The following TGFBRAP1 variants were observed in gnomAD, a reference collection of about 807,000 sequenced individuals.
The protein encoded by TGFBRAP1 is transforming growth factor beta receptor associated protein 1.
TGFBRAP1 carries 20 observed loss-of-function variants against 83.2 expected under a neutral mutation model. The ratio of observed to expected loss-of-function variants is 0.24; its 90% confidence interval spans 0.17 to 0.35. The LOEUF (loss-of-function observed/expected upper bound fraction) is 0.35. TGFBRAP1 is among the 10% of genes least tolerant of loss of function. The pLI is 1.00. For missense variants in TGFBRAP1, 950 were observed against 1,099.4 expected, an observed-to-expected ratio of 0.86 and a Z score of 1.92; for synonymous variants, 415 against 459.8, an observed-to-expected ratio of 0.90 and a Z score of 1.25.
At chr2:105,327,597 GACA>G (rs1679259777) in intron 1 of TGFBRAP1, among the ~76,000 whole-genome samples, 1 of 151,992 alleles carries the variant, frequency 6.6e-6, no homozygotes, top group Non-Finnish European at 1.5e-5. Flanking sequence ...CCACCCAGAA[GACA>G]ACAACAAAAA....
chr2:105,302,719 T>C, intron 2 of TGFBRAP1, among the ~76,000 whole-genome samples: 1 of 152,230 alleles, frequency 6.6e-6, no homozygotes, highest in East Asian at 1.9e-4. Flanking sequence ...TGACGATATC[T>C]TGCTGTATCC....
At chr2:105,267,870 G>T (rs866368164) in intron 11 of TGFBRAP1, 6 of 985,288 alleles carry the variant, frequency 6.1e-6, no homozygotes, top group Non-Finnish European at 3.6e-6. Context: ...TTCAAGCAAG[G>T]CCTGTTAGAA....
At chr2:105,268,281 T>C (rs1002286626) in intron 11 of TGFBRAP1, among the ~76,000 whole-genome samples, 48 of 152,176 alleles carry the variant, frequency 3.2e-4, no homozygotes, top group African/African-American at 1.2e-3. Context: ...GGCTTAGCCC[T>C]ACAGACACTG....
chr2:105,298,455 G>T (rs890851281), intron 3 of TGFBRAP1, 56 bp downstream of exon 3: 2 of 1,502,186 alleles, frequency 1.3e-6, no homozygotes, highest in Non-Finnish European at 1.8e-6. Flanking sequence ...ATTTACCGAA[G>T]AAATATCATA....
At chr2:105,275,167 A>G (rs540791134) in intron 8 of TGFBRAP1, among the ~76,000 whole-genome samples, 8 of 152,164 alleles carry the variant, frequency 5.3e-5, no homozygotes, top group Non-Finnish European at 1.0e-4. Context: ...TCCTCCTCCC[A>G]AAGATCAAGT....
chr2:105,271,303 CATT>C (rs1482311645), intron 10 of TGFBRAP1, among the ~76,000 whole-genome samples: 1 of 152,248 alleles, frequency 6.6e-6, no homozygotes, highest in Admixed American at 6.5e-5. Context: ...GGAATGCAAA[CATT>C]GAACCACACA....
At chr2:105,272,496 G>GCA (rs1431160248) in intron 10 of TGFBRAP1, among the ~76,000 whole-genome samples, 1 of 152,058 alleles carries the variant, frequency 6.6e-6, no homozygotes, top group Non-Finnish European at 1.5e-5. Context: ...CAATCAAAGG[G>GCA]CACCGTCCAT....
intron 4 of TGFBRAP1, among the ~76,000 whole-genome samples, chr2:105,295,809 CAAA>C (rs368369527): frequency 7.6e-4 from 57 of 74,952 alleles, no homozygotes; most frequent in Middle Eastern, 8.3e-3. Flanking sequence ...GACTCCATCT[CAAA>C]AAAAAAAAAA....
At chr2:105,325,279 C>T (rs1679192347) in intron 1 of TGFBRAP1, among the ~76,000 whole-genome samples, 1 of 152,240 alleles carries the variant, frequency 6.6e-6, no homozygotes, top group African/African-American at 2.4e-5. Context: ...TGACTGCCCC[C>T]TCAGGAGAGC....
At chr2:105,290,653 G>A (rs11897240) in intron 4 of TGFBRAP1, among the ~76,000 whole-genome samples, 1,863 of 151,450 alleles carry the variant, frequency 0.012, 44 homozygotes, top group African/African-American at 0.043. Flanking sequence ...GTGTGTGTGT[G>A]TGTGTGAATT....
chr2:105,279,159 C>G (rs1677445709), intron 6 of TGFBRAP1, among the ~76,000 whole-genome samples: 1 of 152,082 alleles, frequency 6.6e-6, no homozygotes, highest in South Asian at 2.1e-4. Flanking sequence ...TGTTAGCTGC[C>G]CAGAATGGAG....
intron 11 of TGFBRAP1, among the ~76,000 whole-genome samples, chr2:105,268,089 C>T (rs761573408): frequency 7.9e-5 from 12 of 152,176 alleles, no homozygotes; most frequent in Non-Finnish European, 1.8e-4. Context: ...TGCCATCGGT[C>T]CCTGTCTGAT....
chr2:105,306,203 C>G (rs948562237), intron 2 of TGFBRAP1, among the ~76,000 whole-genome samples: 2 of 151,794 alleles, frequency 1.3e-5, no homozygotes, highest in African/African-American at 4.8e-5. Flanking sequence ...GCTGGGATTA[C>G]AGGCATGCAC....
chr2:105,309,244 T>G (rs1432194346), intron 1 of TGFBRAP1, among the ~76,000 whole-genome samples: 1 of 152,210 alleles, frequency 6.6e-6, no homozygotes, highest in Non-Finnish European at 1.5e-5. Context: ...ACAGTCCCTG[T>G]GAGCGGGAGC....
chr2:105,311,442 A>G (rs1678690049), intron 1 of TGFBRAP1, among the ~76,000 whole-genome samples: 1 of 152,152 alleles, frequency 6.6e-6, no homozygotes, highest in Non-Finnish European at 1.5e-5. Flanking sequence ...AAACTTAGCC[A>G]GACCTGGTGG....
chr2:105,322,780 C>T (rs4851057), intron 1 of TGFBRAP1, among the ~76,000 whole-genome samples: 13,888 of 152,150 alleles, frequency 0.091, 796 homozygotes, highest in Non-Finnish European at 0.13. Flanking sequence ...GACAAAATTG[C>T]CCCATGGGAG....
At chr2:105,280,973 G>A (rs1365681840) in intron 5 of TGFBRAP1, among the ~76,000 whole-genome samples, 1 of 152,156 alleles carries the variant, frequency 6.6e-6, no homozygotes, top group Non-Finnish European at 1.5e-5. Flanking sequence ...CAGAACTGGT[G>A]TGAGAGTGGA....
intron 2 of TGFBRAP1, 50 bp downstream of exon 2, chr2:105,307,564 G>T: frequency 6.5e-7 from 1 of 1,539,690 alleles, no homozygotes; most frequent in Non-Finnish European, 8.7e-7. Flanking sequence ...TCAACACGCA[G>T]TCACCGAGGC....
At chr2:105,322,681 C>A (rs751110451) in intron 1 of TGFBRAP1, among the ~76,000 whole-genome samples, 6 of 152,124 alleles carry the variant, frequency 3.9e-5, no homozygotes, top group Non-Finnish European at 8.8e-5. Context: ...TAGGCCATAC[C>A]CATATAGCTT....
Sources: gnomAD v4.1 joint callset for allele counts (sites outside exome capture counted in the v4.1 genomes callset) on GRCh38, gnomAD v4.1.1 for gene constraint, MANE v1.5 for transcripts, NCBI Gene and HGNC (gene_info 2026-07-23, HGNC 2026-07-21) for gene names.